The following RANBP2 variants were observed in gnomAD, a reference collection of about 807,000 sequenced individuals.
RANBP2 encodes the protein RAN binding protein 2.
In RANBP2, 57 loss-of-function variants were observed where a neutral mutation model predicts 303.6. That is an observed-to-expected ratio of 0.19 (90% CI 0.15 to 0.23). The LOEUF is 0.23. Ranked by LOEUF, RANBP2 falls within the 10% of genes least tolerant of loss-of-function variation. RANBP2 has a pLI of 1.00. For missense variants in RANBP2, 3,138 were observed against 3,780.8 expected, an observed-to-expected ratio of 0.83 and a Z score of 4.46; for synonymous variants, 1,167 against 1,301.5, an observed-to-expected ratio of 0.90 and a Z score of 2.23.
the RANBP2 span, among the ~76,000 whole-genome samples, chr2:109,142,149 G>A: frequency 6.6e-6 from 1 of 151,936 alleles, no homozygotes; most frequent in African/African-American, 2.4e-5. Context: ...TGAGCTCCTG[G>A]AGAGCAGCAA....
chr2:109,184,841 A>G, the RANBP2 span, among the ~76,000 whole-genome samples: 2 of 152,268 alleles, frequency 1.3e-5, no homozygotes, highest in South Asian at 4.1e-4. Flanking sequence ...GTGGTTGTCC[A>G]GAAAACTGAG....
At position 108,738,279 on chromosome 2, in the gene RANBP2, G is replaced by A. The variant is rs1468973870; in HGVS notation, c.782+2030G>A. ...TTTAGTAGAGATGGGGTTTCACCGC[G>A]TTAGCCAGGATGGTCTTGATCTCCT... On this transcript the variant is annotated intron_variant, in intron 6 of 28. Transcript: ENST00000283195. Among the ~76,000 whole-genome samples the A allele has an allele frequency of 1.1e-3, 166 of 151,480 alleles. 3 individuals are homozygous for A. Among genetic ancestry groups the A allele is most frequent in the Non-Finnish European group, 4.3e-4 (29 of 67,886 alleles).
At chr2:108,932,422 G>C in the RANBP2 span, among the ~76,000 whole-genome samples, 1 of 151,368 alleles carries the variant, frequency 6.6e-6, no homozygotes, top group East Asian at 1.9e-4. Flanking sequence ...CCAGCTACTC[G>C]GGAGGCTGAG....
the RANBP2 span, among the ~76,000 whole-genome samples, chr2:109,719,496 T>C: frequency 6.7e-6 from 1 of 150,360 alleles, no homozygotes; most frequent in African/African-American, 2.5e-5. Flanking sequence ...AACCTCTGGC[T>C]CCCCGGTTCA....
At chr2:109,504,198 A>G in the RANBP2 span, 1 of 152,242 alleles carries the variant, frequency 6.6e-6, no homozygotes, top group East Asian at 1.9e-4. Context: ...GGCGGTTAAG[A>G]TGAAACTAAC....
At chr2:109,151,824 T>C in the RANBP2 span, among the ~76,000 whole-genome samples, 1 of 152,268 alleles carries the variant, frequency 6.6e-6, no homozygotes, top group Non-Finnish European at 1.5e-5. Flanking sequence ...CTGCAAATTG[T>C]GGTTTATAGG....
chr2:108,977,968 A>C, the RANBP2 span, among the ~76,000 whole-genome samples: 1 of 152,218 alleles, frequency 6.6e-6, no homozygotes, highest in Non-Finnish European at 1.5e-5. Context: ...GATGCAGATG[A>C]AACTCCTCAG....
At chr2:108,873,089 T>C in the RANBP2 span, among the ~76,000 whole-genome samples, 1 of 152,218 alleles carries the variant, frequency 6.6e-6, no homozygotes, top group Non-Finnish European at 1.5e-5. Flanking sequence ...TTTGTTTTTT[T>C]AATTTACTAC....
At chr2:109,430,022 C>G in the RANBP2 span, among the ~76,000 whole-genome samples, 1 of 152,334 alleles carries the variant, frequency 6.6e-6, no homozygotes, top group African/African-American at 2.4e-5. Flanking sequence ...ACCTTGCCTA[C>G]CAGCCCAGGA....
chr2:109,362,617 T>A, the RANBP2 span, among the ~76,000 whole-genome samples: 3 of 152,116 alleles, frequency 2.0e-5, no homozygotes, highest in African/African-American at 7.2e-5. Context: ...TTAAGTTCAG[T>A]TATATCCTTA....
the RANBP2 span, among the ~76,000 whole-genome samples, chr2:109,197,561 G>A: frequency 6.6e-6 from 1 of 152,256 alleles, no homozygotes; most frequent in Non-Finnish European, 1.5e-5. Flanking sequence ...GGTGGCCGGG[G>A]AGGGGTGGGA....
the RANBP2 span, among the ~76,000 whole-genome samples, chr2:109,549,534 C>T: frequency 2.0e-5 from 3 of 152,182 alleles, no homozygotes; most frequent in Non-Finnish European, 2.9e-5. Flanking sequence ...TTATTCACTA[C>T]GACAGGCAGT....
the RANBP2 span, among the ~76,000 whole-genome samples, chr2:109,132,756 CTTGT>C: frequency 1.3e-5 from 2 of 152,192 alleles, no homozygotes; most frequent in African/African-American, 4.8e-5. Flanking sequence ...CTCAGGCTAA[CTTGT>C]TTGTTTATTG....
At chr2:108,760,420 A>T (rs1449288266) in intron 18 of RANBP2, among the ~76,000 whole-genome samples, 1 of 152,144 alleles carries the variant, frequency 6.6e-6, no homozygotes, top group Non-Finnish European at 1.5e-5. Flanking sequence ...ATCCCATCAC[A>T]TGGAAGTACT....
chr2:108,763,918 C>G lies in RANBP2; in HGVS notation c.3379C>G (p.Arg1127Gly), dbSNP rs1676929653. The change falls in exon 20 of 29, where the codon CGA becomes GGA. Residue 1127 changes from arginine (R) to glycine (G), a missense_variant. This residue lies in a region of RANBP2 where 403 missense variants were observed against 376.7 expected (regional missense o/e 1.07). Transcript: ENST00000283195. ...TCAGCAAAAGAATTCTGGTTTTCGG[C>G]GAAGTGATGATATGTTTACTTTCCA... ...SSQQKNSGFR[R>G]SDDMFTFHGP... 1 of 1,613,650 alleles carries G rather than the reference C, an allele frequency of 6.2e-7. No individual in the cohort carries two copies. The highest frequency in any genetic ancestry group is 8.5e-7 in the Non-Finnish European group (1 of 1,179,958).
chr2:108,942,663 C>G, the RANBP2 span, among the ~76,000 whole-genome samples: 1 of 152,366 alleles, frequency 6.6e-6, no homozygotes, highest in Non-Finnish European at 1.5e-5. Context: ...CCTTTCAAGA[C>G]GGCGGGAGCC....
chr2:109,363,248 A>G, the RANBP2 span, among the ~76,000 whole-genome samples: 2 of 150,190 alleles, frequency 1.3e-5, no homozygotes, highest in Admixed American at 6.6e-5. Flanking sequence ...TACTTTTTTA[A>G]TTGGTTGCAT....
the RANBP2 span, among the ~76,000 whole-genome samples, chr2:109,083,865 G>A: frequency 5.3e-5 from 8 of 151,738 alleles, no homozygotes; most frequent in East Asian, 9.7e-4. Flanking sequence ...AATTTCCCTC[G>A]GCTTCTCTCC....
chr2:109,523,641 CAT>C, the RANBP2 span, among the ~76,000 whole-genome samples: 2 of 152,292 alleles, frequency 1.3e-5, no homozygotes, highest in East Asian at 3.9e-4. Flanking sequence ...CCACTGGACA[CAT>C]GAGCCGCTGA....
Sources: gnomAD v4.1 joint callset for allele counts (sites outside exome capture counted in the v4.1 genomes callset) on GRCh38, gnomAD v4.1.1 for gene constraint, gnomAD v4.1.1 regional missense constraint, MANE v1.5 for transcripts, NCBI Gene and HGNC (gene_info 2026-07-23, HGNC 2026-07-21) for gene names.